The following CTTNBP2 variants were observed in gnomAD, a reference collection of about 807,000 sequenced individuals.
CTTNBP2 encodes the protein cortactin binding protein 2, also known as cortactin-binding protein 2.
A neutral mutation model predicts 156.9 loss-of-function variants in CTTNBP2; 108 were observed. The observed-to-expected ratio is 0.69, with a 90% confidence interval of 0.59 to 0.81. The LOEUF (loss-of-function observed/expected upper bound fraction) is 0.81. CTTNBP2 is among the 30% of genes least tolerant of loss of function. CTTNBP2 has a pLI of 0.00. For missense variants in CTTNBP2, 1,924 were observed against 2,035.4 expected (o/e 0.95, Z 1.05); for synonymous variants, 767 against 751.8 (o/e 1.02, Z -0.33).
At chr7:117,712,715 C>T (rs1033929588) in intron 22 of CTTNBP2, among the ~76,000 whole-genome samples, 6 of 152,148 alleles carry the variant, frequency 3.9e-5, no homozygotes, top group African/African-American at 2.4e-5. Context: ...TCCTGGGTAT[C>T]GTCTTATATG....
In CTTNBP2 at chr7:117,847,819, C is replaced by CTTTTTTTTTTTTTTTTT. The variant is rs201419286; in HGVS notation, c.189+13373_189+13389dup. ...TTTTTATAGATCTTCTTTGCCTAAC[C>CTTTTTTTTTTTTTTTTT]TTTTTTTTTTTTTTTTTTTTTTTTT... On this transcript the variant is annotated intron_variant, in intron 2 of 22. Coordinates refer to ENST00000160373, the MANE Select transcript of CTTNBP2 (RefSeq NM_033427.3). Among the ~76,000 whole-genome samples the CTTTTTTTTTTTTTTTTT allele has an allele frequency of 2.4e-4, 22 of 91,356 alleles. 4 individuals are homozygous for CTTTTTTTTTTTTTTTTT. Among genetic ancestry groups the CTTTTTTTTTTTTTTTTT allele is most frequent in the African/African-American group, 1.0e-3 (22 of 21,006 alleles). The allele number at this position is 91,356 out of a possible 152,430, so 59.9% of individuals were successfully genotyped here. A position where few individuals can be genotyped will look rare whatever the true frequency, so the allele number is the denominator to read the frequency against.
chr7:117,852,331 A>G (rs1005286717), intron 2 of CTTNBP2, among the ~76,000 whole-genome samples: 10 of 152,232 alleles, frequency 6.6e-5, no homozygotes, highest in African/African-American at 2.4e-4. Flanking sequence ...ATGAAAAACT[A>G]AAAGATTTAC....
At chr7:117,775,736 T>A (rs1798062127) in intron 8 of CTTNBP2, among the ~76,000 whole-genome samples, 1 of 152,128 alleles carries the variant, frequency 6.6e-6, no homozygotes, top group African/African-American at 2.4e-5. Flanking sequence ...AGATTCATAG[T>A]CCTAGATTAA....
At chr7:117,788,259 T>C (rs1032591560) in intron 4 of CTTNBP2, among the ~76,000 whole-genome samples, 2 of 152,188 alleles carry the variant, frequency 1.3e-5, no homozygotes, top group Non-Finnish European at 1.5e-5. Flanking sequence ...ACAGGTATGA[T>C]TACTGCAGCC....
At chr7:117,832,677 A>AACC (rs1334197788) in intron 2 of CTTNBP2, among the ~76,000 whole-genome samples, 3 of 151,840 alleles carry the variant, frequency 2.0e-5, no homozygotes, top group Non-Finnish European at 2.9e-5. Context: ...TTCCCAGGGA[A>AACC]ACCAATTCTT....
intron 2 of CTTNBP2, among the ~76,000 whole-genome samples, chr7:117,849,871 G>A (rs1802828027): frequency 6.6e-6 from 1 of 152,130 alleles, no homozygotes; most frequent in Non-Finnish European, 1.5e-5. Flanking sequence ...TTATATAGAA[G>A]AGTAGTTAAG....
At chr7:117,780,123 C>T (rs1798334720) in intron 7 of CTTNBP2, among the ~76,000 whole-genome samples, 1 of 152,126 alleles carries the variant, frequency 6.6e-6, no homozygotes, top group Admixed American at 6.6e-5. Flanking sequence ...GGATCTGAGA[C>T]TATTATTTGT....
chr7:117,865,300 C>CTT (rs1804093436), intron 1 of CTTNBP2, among the ~76,000 whole-genome samples: 1 of 151,694 alleles, frequency 6.6e-6, no homozygotes, highest in Non-Finnish European at 1.5e-5. Flanking sequence ...ATTGAACTTG[C>CTT]TTTTCCCAAT....
At position 117,777,724 on chromosome 7, in the gene CTTNBP2, A is replaced by G. The variant is rs1798185243; in HGVS notation, c.2565T>C (p.Asn855=). The G allele has an allele frequency of 1.2e-6, 2 of 1,614,002 alleles. No individual in the cohort carries two copies. The highest frequency in any genetic ancestry group is 2.2e-5 in the East Asian group (1 of 44,882). The part of the protein sequence containing the change: ...TPVHAAVDTG[N]VDSLKLLMYH... ...ACATAAGAAGCTTGAGGCTGTCCACATTACCAGTGTCCACAGCTGCGTGAA... is the reference window on the plus strand; with the variant it reads ...ACATAAGAAGCTTGAGGCTGTCCACGTTACCAGTGTCCACAGCTGCGTGAA... Residue 855 remains asparagine, a synonymous_variant, in exon 8 of 23, where the codon AAT becomes AAC. Coordinates refer to ENST00000160373, the MANE Select transcript of CTTNBP2 (RefSeq NM_033427.3).
rs1455027356 is a variant in CTTNBP2, at chr7:117,711,481, T to C, written c.*56A>G. 2 of 1,534,994 alleles carry C rather than the reference T, an allele frequency of 1.3e-6. No homozygotes were observed. The highest frequency in any genetic ancestry group is 1.8e-6 in the Non-Finnish European group (2 of 1,137,206). On this transcript the variant is annotated 3_prime_UTR_variant, in exon 23 of 23. Transcript: ENST00000160373. ...ATTTAAAGGTATTTGTATCTTGTTG[T>C]CCTTGGTTTCTGTGTGAAATAGAGG...
In CTTNBP2 at chr7:117,725,375, A is replaced by T. The variant is rs547488712; in HGVS notation, c.4056-118T>A. Reference sequence around the variant, plus strand: ...AAAAACGTTAAGTGTTTCTATAGATATGCTACCTTTCCCAGGTAGTTTTCA... The same window carrying T: ...AAAAACGTTAAGTGTTTCTATAGATTTGCTACCTTTCCCAGGTAGTTTTCA... On this transcript the variant is annotated intron_variant, in intron 17 of 22. Coordinates refer to ENST00000160373, the MANE Select transcript of CTTNBP2 (RefSeq NM_033427.3). The T allele has an allele frequency of 6.7e-5, 58 of 871,162 alleles. No individual in the cohort carries two copies. In the South Asian group the frequency reaches 8.3e-4, roughly 13 times the overall value. 54.0% of individuals were successfully genotyped at this position (871,162 alleles called of 1,614,324 possible). A position where few individuals can be genotyped will look rare whatever the true frequency, so the allele number is the denominator to read the frequency against.
intron 12 of CTTNBP2, among the ~76,000 whole-genome samples, chr7:117,753,060 TA>T (rs748377613): frequency 2.0e-5 from 3 of 151,992 alleles, no homozygotes; most frequent in Non-Finnish European, 2.9e-5. Flanking sequence ...TAAACAAATT[TA>T]CAAGAAAACA....
At position 117,791,841 on chromosome 7, in the gene CTTNBP2, A is replaced by T; in HGVS notation, c.1355T>A (p.Phe452Tyr). ...NPRIQAARFRFQGNANDPDQN... is the reference protein window; with the variant it reads ...NPRIQAARFRYQGNANDPDQN... ...GTCTGGGTCGTTAGCATTGCCCTGA[A>T]ATCTAAATCTAGCTGCTTGGATTCG... The change falls in exon 4 of 23, where the codon TTT (phenylalanine) becomes TAT (tyrosine). Residue 452 changes from phenylalanine to tyrosine, a missense_variant. Coordinates refer to ENST00000160373, the MANE Select transcript of CTTNBP2 (RefSeq NM_033427.3). The T allele has an allele frequency of 6.2e-7, 1 of 1,614,130 alleles. No individual in the cohort carries two copies. Among genetic ancestry groups the T allele is most frequent in the Non-Finnish European group, 8.5e-7 (1 of 1,180,024 alleles).
At position 117,861,323 on chromosome 7, in the gene CTTNBP2, C is replaced by T. The variant is rs781060811; in HGVS notation, c.82-7G>A. The T allele has an allele frequency of 6.3e-7, 1 of 1,587,464 alleles. No homozygotes were observed. Among genetic ancestry groups the T allele is most frequent in the Non-Finnish European group, 8.6e-7 (1 of 1,159,230 alleles). On this transcript the variant is annotated splice_polypyrimidine_tract_variant and splice_region_variant and intron_variant, in intron 1 of 22. Coordinates refer to ENST00000160373, the MANE Select transcript of CTTNBP2 (RefSeq NM_033427.3). ...CCACATCAAACTCTTTTTTCTGTAA[C>T]ACATAAAAAAATAAGGCCATGAAAA...
intron 5 of CTTNBP2, 88 bp from the exon 6 acceptor site, chr7:117,783,049 C>T: frequency 1.2e-6 from 1 of 864,294 alleles, no homozygotes; most frequent in South Asian, 1.5e-5. Flanking sequence ...AGATTCTAAT[C>T]CCAAAGGGAC....
chr7:117,743,170 G>A (rs1048336615), intron 14 of CTTNBP2, among the ~76,000 whole-genome samples: 1 of 152,200 alleles, frequency 6.6e-6, no homozygotes, highest in Non-Finnish European at 1.5e-5. Flanking sequence ...TGCATCCTTC[G>A]TGACCTTGTT....
intron 3 of CTTNBP2, among the ~76,000 whole-genome samples, chr7:117,795,156 A>G (rs1230416334): frequency 3.4e-5 from 3 of 87,856 alleles, no homozygotes; most frequent in Non-Finnish European, 6.7e-5. Context: ...TCGGCCTCCC[A>G]AAGTGCTGGG....
chr7:117,791,521 G>A lies in CTTNBP2; in HGVS notation c.1675C>T (p.Pro559Ser), dbSNP rs1799009683. 1.2e-6 allele frequency: 2 copies of A among 1,614,048 alleles called. No homozygotes were observed. The highest frequency in any genetic ancestry group is 2.7e-5 in the African/African-American group (2 of 74,908). Reference sequence around the variant, plus strand: ...ATAATAACCTTGAGTTGGGGGTGTGGTGGAGAAGGAGTTTGGGAGAGCCCT... The same window carrying A: ...ATAATAACCTTGAGTTGGGGGTGTGATGGAGAAGGAGTTTGGGAGAGCCCT... ...KPGLSQTPSPPHPQLKVIIDS... is the reference protein window; with the variant it reads ...KPGLSQTPSPSHPQLKVIIDS... The change falls in exon 4 of 23, where the codon CCA (proline) becomes TCA (serine). Residue 559 changes from proline (P) to serine (S), a missense_variant. Transcript: ENST00000160373.
At chr7:117,735,150 G>T in intron 15 of CTTNBP2, 50 bp from the exon 16 acceptor site, 1 of 1,590,980 alleles carries the variant, frequency 6.3e-7, no homozygotes, top group South Asian at 1.1e-5. Flanking sequence ...TTATGTTATG[G>T]GACAGATTCA....
Sources: gnomAD v4.1 joint callset for allele counts (sites outside exome capture counted in the v4.1 genomes callset) on GRCh38, gnomAD v4.1.1 for gene constraint, MANE v1.5 for transcripts, NCBI Gene and HGNC (gene_info 2026-07-23, HGNC 2026-07-21) for gene names.